GPR160: variants seen among roughly 807,000 people sequenced by gnomAD.
GPR160 encodes probable G protein-coupled receptor 160.
A neutral mutation model predicts 2.6 loss-of-function variants in GPR160; 2 were observed. The ratio of observed to expected loss-of-function variants is 0.77; its 90% CI spans 0.32 to 2.44. The LOEUF is 2.44. GPR160 is among the 30% of genes most tolerant of loss of function. The pLI is 0.11. For synonymous variants in GPR160, 130 were observed against 132.2 expected, an observed-to-expected ratio of 0.98 and a Z score of 0.12; for missense variants, 351 against 383.6, an observed-to-expected ratio of 0.91 and a Z score of 0.71.
intron 3 of GPR160, 131 bp from the exon 4 acceptor site, chr3:170,083,774 T>C (rs1325426132): frequency 4.9e-6 from 2 of 409,308 alleles, no homozygotes. Flanking sequence ...TTAAGTATTA[T>C]GTGACATATA....
chr3:170,083,708 A>G (rs1175703430), intron 3 of GPR160, among the ~76,000 whole-genome samples, 197 bp from the exon 4 acceptor site: 2 of 152,220 alleles, frequency 1.3e-5, no homozygotes, highest in Non-Finnish European at 2.9e-5. Context: ...GTTCTGGACC[A>G]TCTGGGTCTC....
chr3:170,084,386 T>G lies in GPR160; in HGVS notation c.414T>G (p.Phe138Leu). 6.2e-7 allele frequency: 1 copy of G among 1,606,528 alleles called. No homozygotes were observed. Among genetic ancestry groups the G allele is most frequent in the Non-Finnish European group, 8.5e-7 (1 of 1,173,816 alleles). Residue 138 changes from phenylalanine to leucine, a missense_variant, in exon 4 of 4, where the codon TTT becomes TTG. Phe to Leu is a conservative substitution (Grantham distance 22). Coordinates refer to ENST00000355897, the MANE Select transcript of GPR160 (RefSeq NM_014373.3). ...TKLSFKCQKLFYFFTVILIWI... is the reference protein window; with the variant it reads ...TKLSFKCQKLLYFFTVILIWI... Reference sequence around the variant, plus strand: ...TTTCATTTAAGTGTCAAAAATTATTTTATTTCTTTACAGTAATTTTAATTT... The same window carrying G: ...TTTCATTTAAGTGTCAAAAATTATTGTATTTCTTTACAGTAATTTTAATTT...
chr3:170,067,755 TAAA>T (rs953780333), intron 2 of GPR160, among the ~76,000 whole-genome samples: 1 of 149,796 alleles, frequency 6.7e-6, no homozygotes, highest in Non-Finnish European at 1.5e-5. Context: ...GTCTTACCTT[TAAA>T]AAAAAAAGTT....
At chr3:170,080,850 A>G (rs774719086) in intron 3 of GPR160, among the ~76,000 whole-genome samples, 1 of 152,156 alleles carries the variant, frequency 6.6e-6, no homozygotes, top group Non-Finnish European at 1.5e-5. Flanking sequence ...ATAGGCCCCC[A>G]CCACCACACC....
At chr3:170,072,947 C>A (rs1449646814) in intron 2 of GPR160, among the ~76,000 whole-genome samples, 1 of 152,064 alleles carries the variant, frequency 6.6e-6, no homozygotes, top group Non-Finnish European at 1.5e-5. Flanking sequence ...TTTAGGAGGC[C>A]AAGGCAGGAG....
intron 2 of GPR160, among the ~76,000 whole-genome samples, chr3:170,072,958 G>C (rs1712675369): frequency 6.6e-6 from 1 of 152,144 alleles, no homozygotes; most frequent in Admixed American, 6.6e-5. Flanking sequence ...AAGGCAGGAG[G>C]AATGCTTGAA....
intron 2 of GPR160, among the ~76,000 whole-genome samples, chr3:170,060,377 C>T (rs775303839): frequency 1.3e-5 from 2 of 152,156 alleles, no homozygotes; most frequent in African/African-American, 2.4e-5. Flanking sequence ...GGATAATAAA[C>T]GGATGCTAAA....
chr3:170,077,659 G>A (rs1001501586), intron 2 of GPR160: 5 of 152,224 alleles, frequency 3.3e-5, no homozygotes, highest in South Asian at 2.1e-4. Context: ...GAACAATAAT[G>A]TTAATTACCC....
chr3:170,060,067 G>A (rs1453810273), intron 2 of GPR160, among the ~76,000 whole-genome samples: 3 of 151,896 alleles, frequency 2.0e-5, no homozygotes, highest in East Asian at 3.8e-4. Flanking sequence ...AAAAAACAGG[G>A]CTCCTTGAAA....
intron 2 of GPR160, among the ~76,000 whole-genome samples, chr3:170,064,496 ATTCTT>A (rs375138387): frequency 0.18 from 20,851 of 118,856 alleles, 2,420 homozygotes; most frequent in East Asian, 0.31. Flanking sequence ...CACGGGACCC[ATTCTT>A]TTCTTTTCTT....
chr3:170,064,325 C>T (rs751303795), intron 2 of GPR160, among the ~76,000 whole-genome samples: 48 of 152,198 alleles, frequency 3.2e-4, no homozygotes, highest in Admixed American at 1.0e-3. Flanking sequence ...GGGGTGAGTA[C>T]ACAAGCCCAG....
rs1176858997 is a variant in GPR160 at position 170,084,687 on chromosome 3, A to C, written c.715A>C (p.Ile239Leu). The C allele has an allele frequency of 6.2e-7, 1 of 1,612,192 alleles. No individual in the cohort carries two copies. Among genetic ancestry groups the C allele is most frequent in the East Asian group, 2.2e-5 (1 of 44,858 alleles). The change falls in exon 4 of 4, where the codon ATA (isoleucine) becomes CTA (leucine). Residue 239 changes from isoleucine (I) to leucine (L), a missense_variant. Physicochemically the swap from Ile to Leu is conservative, Grantham distance 5 (BLOSUM62 2). Transcript: ENST00000355897. ...HSSYTVRSKK[I>L]FLSKLIVCFL... ...CAGTTATACTGTGAGATCTAAAAAA[A>C]TATTCTTATCCAAGCTCATTGTCTG...
intron 2 of GPR160, among the ~76,000 whole-genome samples, chr3:170,042,340 G>A (rs750382918): frequency 2.8e-4 from 43 of 151,028 alleles, no homozygotes; most frequent in Admixed American, 1.3e-4. Flanking sequence ...AGGATTGCTT[G>A]AGCCTGGGAG....
chr3:170,043,016 G>A (rs928895902), intron 2 of GPR160, among the ~76,000 whole-genome samples: 7 of 151,172 alleles, frequency 4.6e-5, no homozygotes, highest in African/African-American at 1.7e-4. Context: ...CCAGTAGCTG[G>A]GACTACAGGT....
At chr3:170,066,916 C>T (rs999576037) in intron 2 of GPR160, among the ~76,000 whole-genome samples, 5 of 152,346 alleles carry the variant, frequency 3.3e-5, no homozygotes, top group African/African-American at 1.2e-4. Context: ...TCCACAGCCT[C>T]ACTAGAGATA....
At chr3:170,046,292 T>C (rs1211449974) in intron 2 of GPR160, among the ~76,000 whole-genome samples, 1 of 152,182 alleles carries the variant, frequency 6.6e-6, no homozygotes, top group African/African-American at 2.4e-5. Flanking sequence ...ACTTGTGACT[T>C]TGAGCCAGGG....
intron 2 of GPR160, among the ~76,000 whole-genome samples, chr3:170,040,833 C>T (rs991461133): frequency 5.9e-5 from 9 of 152,182 alleles, no homozygotes; most frequent in Non-Finnish European, 1.2e-4. Context: ...TTGCCTATTT[C>T]ATCTTTATCT....
chr3:170,073,572 T>C (rs1176167139), intron 2 of GPR160, among the ~76,000 whole-genome samples: 2 of 152,224 alleles, frequency 1.3e-5, no homozygotes, highest in Non-Finnish European at 2.9e-5. Flanking sequence ...ATGTGGTGAA[T>C]TACATTGATT....
At chr3:170,048,732 A>G (rs1431432793) in intron 2 of GPR160, among the ~76,000 whole-genome samples, 2 of 152,232 alleles carry the variant, frequency 1.3e-5, no homozygotes, top group Non-Finnish European at 2.9e-5. Context: ...AAAAGTAAAC[A>G]TGTACCTCTA....
Sources: gnomAD v4.1 joint callset for allele counts (sites outside exome capture counted in the v4.1 genomes callset) on GRCh38, gnomAD v4.1.1 for gene constraint, MANE v1.5 for transcripts, NCBI Gene and HGNC (gene_info 2026-07-23, HGNC 2026-07-21) for gene names.